Variants in FXN observed in about 807,000 individuals in gnomAD.
The protein encoded by FXN is frataxin, also known as frataxin, mitochondrial.
A neutral mutation model predicts 22.4 loss-of-function variants in FXN; 14 were observed. The observed-to-expected ratio is 0.62, with a 90% CI of 0.41 to 0.98. The LOEUF is 0.98. FXN is among the 50% of genes least tolerant of loss of function. The pLI, the probability that FXN is intolerant of heterozygous loss-of-function variation, is 0.00. For missense variants in FXN, 267 were observed against 268.4 expected (o/e 0.99, Z 0.04); for synonymous variants, 120 against 114.1 (o/e 1.05, Z -0.33).
At chr9:69,036,318 G>T (rs1427474938) in intron 1 of FXN, 2 of 163,148 alleles carry the variant, frequency 1.2e-5, no homozygotes, top group Non-Finnish European at 2.6e-5. Flanking sequence ...ATTAATAGAT[G>T]GTATCTGCTA....
chr9:69,075,560 T>C lies in FXN; in HGVS notation c.*2798T>C, dbSNP rs1001615350. On this transcript the variant is annotated 3_prime_UTR_variant, in exon 5 of 5. Transcript: ENST00000484259. The stretch of plus-strand genomic sequence containing the variant: ...GTCAAGCAAACTGGAAAAGTACCAC[T>C]GTGTGTACCAATAGCCTCCCCACCA... 9.1e-6 allele frequency: 9 copies of C among 985,100 alleles called. No homozygotes were observed. The highest frequency in any genetic ancestry group is 4.7e-5 in the South Asian group (1 of 21,266). The allele number at this position is 985,100 out of a possible 1,614,324, so 61.0% of individuals were successfully genotyped here. A position where few individuals can be genotyped will look rare whatever the true frequency, so the allele number is the denominator to read the frequency against.
chr9:69,076,403 C>T lies in FXN; in HGVS notation c.*3641C>T, dbSNP rs1832370555. On this transcript the variant is annotated 3_prime_UTR_variant, in exon 5 of 5. Coordinates refer to ENST00000484259, the MANE Select transcript of FXN (RefSeq NM_000144.5). ...AATATGGATGACGTTCCCTACTCAA[C>T]CTTGAACTTAATCAAAATACTCAGT... is the stretch of plus-strand genomic sequence containing the variant. 3.0e-6 allele frequency: 3 copies of T among 985,214 alleles called. No individual in the cohort carries two copies. The highest frequency in any genetic ancestry group is 1.7e-5 in the African/African-American group (1 of 57,208). 61.0% of individuals were successfully genotyped at this position (985,214 alleles called of 1,614,324 possible). A position where few individuals can be genotyped will look rare whatever the true frequency, so the allele number is the denominator to read the frequency against.
At chr9:69,042,193 G>T (rs1831669187) in intron 1 of FXN, among the ~76,000 whole-genome samples, 1 of 150,970 alleles carries the variant, frequency 6.6e-6, no homozygotes, top group Non-Finnish European at 1.5e-5. Context: ...AGCCTAGATT[G>T]TGCCACTGCA....
chr9:69,041,870 C>G (rs1587815627), intron 1 of FXN, among the ~76,000 whole-genome samples: 1 of 152,202 alleles, frequency 6.6e-6, no homozygotes, highest in African/African-American at 2.4e-5. Flanking sequence ...CTAGGCAAGC[C>G]TACCATGACT....
At chr9:69,040,560 C>G in intron 1 of FXN, among the ~76,000 whole-genome samples, 1 of 151,902 alleles carries the variant, frequency 6.6e-6, no homozygotes, top group East Asian at 1.9e-4. Context: ...CCCCACTACT[C>G]GGGACGCTGA....
intron 3 of FXN, among the ~76,000 whole-genome samples, chr9:69,059,158 A>C (rs1832018811): frequency 6.6e-6 from 1 of 152,202 alleles, no homozygotes; most frequent in African/African-American, 2.4e-5. Context: ...ACTTGGTTTG[A>C]ACAGTTGGCC....
Position 69,076,202 on chromosome 9 carries a change from T to G in FXN, c.*3440T>G. 2.1e-6 allele frequency: 2 copies of G among 972,982 alleles called. No individual in the cohort carries two copies. Among genetic ancestry groups the G allele is most frequent in the Non-Finnish European group, 2.4e-6 (2 of 826,458 alleles). The allele number at this position is 972,982 out of a possible 1,614,324, so 60.3% of individuals were successfully genotyped here. A position where few individuals can be genotyped will look rare whatever the true frequency, so the allele number is the denominator to read the frequency against. The stretch of plus-strand genomic sequence containing the variant: ...CTGCCTCTTACTTGTTTGTAGACAC[T>G]GACAGTGGCCTCATGTTTTTTTTTT... On this transcript the variant is annotated 3_prime_UTR_variant, in exon 5 of 5. Coordinates refer to ENST00000484259, the MANE Select transcript of FXN (RefSeq NM_000144.5).
chr9:69,045,580 G>T (rs1471201246), intron 1 of FXN, among the ~76,000 whole-genome samples: 2 of 152,028 alleles, frequency 1.3e-5, no homozygotes, highest in Non-Finnish European at 2.9e-5. Flanking sequence ...GCGACAGAGC[G>T]AGACTTCATC....
In FXN at chr9:69,076,381, A is replaced by G. The variant is rs1422569176; in HGVS notation, c.*3619A>G. On this transcript the variant is annotated 3_prime_UTR_variant, in exon 5 of 5. Coordinates refer to ENST00000484259, the MANE Select transcript of FXN (RefSeq NM_000144.5). ...CACATTGGAGGACTTCTCCCAAAATATGGATGACGTTCCCTACTCAACCTT... is the reference window on the plus strand; with the variant it reads ...CACATTGGAGGACTTCTCCCAAAATGTGGATGACGTTCCCTACTCAACCTT... 1.1e-5 allele frequency: 11 copies of G among 985,270 alleles called. No individual in the cohort carries two copies. The highest frequency in any genetic ancestry group is 1.7e-5 in the African/African-American group (1 of 57,234). The allele number at this position is 985,270 out of a possible 1,614,324, so 61.0% of individuals were successfully genotyped here. A position where few individuals can be genotyped will look rare whatever the true frequency, so the allele number is the denominator to read the frequency against.
intron 2 of FXN, among the ~76,000 whole-genome samples, chr9:69,049,660 G>A (rs566327820): frequency 6.6e-6 from 1 of 152,222 alleles, no homozygotes; most frequent in African/African-American, 2.4e-5. Flanking sequence ...TAATTTACAT[G>A]CCATAAAACT....
chr9:69,057,577 A>G (rs753376546), intron 3 of FXN, among the ~76,000 whole-genome samples: 1 of 152,174 alleles, frequency 6.6e-6, no homozygotes, highest in Non-Finnish European at 1.5e-5. Flanking sequence ...GCTGCCATCT[A>G]TAGTTTGGAC....
At position 69,073,643 on chromosome 9, in the gene FXN, A is replaced by G; in HGVS notation, c.*881A>G. ...TGGTCCTAGACATAGTTCAGCCACAAAGTAGTTGTCCCTTTGTGGACAAGT... is the reference window on the plus strand; with the variant it reads ...TGGTCCTAGACATAGTTCAGCCACAGAGTAGTTGTCCCTTTGTGGACAAGT... On this transcript the variant is annotated 3_prime_UTR_variant, in exon 5 of 5. Coordinates refer to ENST00000484259, the MANE Select transcript of FXN (RefSeq NM_000144.5). 1.0e-6 allele frequency: 1 copy of G among 985,350 alleles called. No homozygotes were observed. 61.0% of individuals were successfully genotyped at this position (985,350 alleles called of 1,614,324 possible).
At chr9:69,054,587 A>T (rs926180608) in intron 3 of FXN, among the ~76,000 whole-genome samples, 1 of 151,078 alleles carries the variant, frequency 6.6e-6, no homozygotes, top group Non-Finnish European at 1.5e-5. Flanking sequence ...TCTCACTGCA[A>T]CCTCTGCCTC....
chr9:69,076,113 G>A lies in FXN; in HGVS notation c.*3351G>A, dbSNP rs1284315180. 1 of 984,900 alleles carries A rather than the reference G, an allele frequency of 1.0e-6. No individual in the cohort carries two copies. The highest frequency in any genetic ancestry group is 1.2e-6 in the Non-Finnish European group (1 of 829,620). The allele number at this position is 984,900 out of a possible 1,614,324, so 61.0% of individuals were successfully genotyped here. Reference sequence around the variant, plus strand: ...TTTAGCTCTCTGGAATTACAAAGAAGGAATGAGGTGTGTAAAAGAGAACCT... The same window carrying A: ...TTTAGCTCTCTGGAATTACAAAGAAAGAATGAGGTGTGTAAAAGAGAACCT... On this transcript the variant is annotated 3_prime_UTR_variant, in exon 5 of 5. Coordinates refer to ENST00000484259, the MANE Select transcript of FXN (RefSeq NM_000144.5).
chr9:69,053,478 T>TGGAC (rs1831894639), intron 3 of FXN, among the ~76,000 whole-genome samples: 1 of 146,706 alleles, frequency 6.8e-6, no homozygotes, highest in Non-Finnish European at 1.5e-5. Context: ...CATAGATGGA[T>TGGAC]GGATGGATGG....
chr9:69,047,566 C>T (rs1344809114), intron 2 of FXN, among the ~76,000 whole-genome samples: 2 of 152,164 alleles, frequency 1.3e-5, no homozygotes, highest in African/African-American at 4.8e-5. Context: ...TGTTATTTTC[C>T]TTGGCCACAA....
rs1431499121 is a variant in FXN, at chr9:69,076,792, G to C, written c.*4030G>C. On this transcript the variant is annotated 3_prime_UTR_variant, in exon 5 of 5. Transcript: ENST00000484259. ...CTTGGCACATAGTTATCTTCTGCTA[G>C]AACAAACTAAAACAGCTACATGCCA... The C allele has an allele frequency of 7.0e-5, 69 of 985,314 alleles. No individual in the cohort carries two copies. Among genetic ancestry groups the C allele is most frequent in the Non-Finnish European group, 7.8e-5 (65 of 829,942 alleles). The allele number at this position is 985,314 out of a possible 1,614,324, so 61.0% of individuals were successfully genotyped here.
chr9:69,066,951 C>T (rs1193129182), intron 4 of FXN, among the ~76,000 whole-genome samples: 1 of 152,154 alleles, frequency 6.6e-6, no homozygotes, highest in Non-Finnish European at 1.5e-5. Context: ...AGGCCACACC[C>T]AGAGACCACA....
At chr9:69,048,989 C>T (rs567706571) in intron 2 of FXN, among the ~76,000 whole-genome samples, 9 of 152,318 alleles carry the variant, frequency 5.9e-5, no homozygotes, top group Non-Finnish European at 8.8e-5. Context: ...GCCTCGGCTT[C>T]CGGCATTCCT....
Sources: allele counts gnomAD v4.1 joint callset (sites outside exome capture counted in the v4.1 genomes callset), GRCh38; gene constraint gnomAD v4.1.1; transcripts MANE v1.5; gene names NCBI Gene and HGNC (gene_info 2026-07-23, HGNC 2026-07-21).